Variants in CGGBP1 observed in about 807,000 individuals in gnomAD.
CGGBP1 encodes the protein CGG triplet repeat-binding protein 1.
A neutral mutation model predicts 11.4 loss-of-function variants in CGGBP1; 4 were observed. That is an observed-to-expected ratio of 0.35 (90% CI 0.17 to 0.80). CGGBP1 has a LOEUF of 0.80. CGGBP1 is among the 30% of genes least tolerant of loss of function. CGGBP1 has a pLI of 0.52. For synonymous variants in CGGBP1, 76 were observed against 74.1 expected, an observed-to-expected ratio of 1.03 and a Z score of -0.13; for missense variants, 135 against 202.1, an observed-to-expected ratio of 0.67 and a Z score of 2.01.
intron 2 of CGGBP1, among the ~76,000 whole-genome samples, chr3:88,129,321 TAAAAAAAAA>T (rs11370327): frequency 6.5e-5 from 5 of 76,932 alleles, no homozygotes; most frequent in East Asian, 3.9e-4. Flanking sequence ...TTGCCAGGAG[TAAAAAAAAA>T]AAAAAAAAAA....
At chr3:88,140,298 T>C (rs1559737985) in intron 2 of CGGBP1, 1 of 1,613,776 alleles carries the variant, frequency 6.2e-7, no homozygotes, top group Non-Finnish European at 8.5e-7. Context: ...ACCAGAGTCA[T>C]CTGCACAACC....
chr3:88,110,250 A>G (rs1705007053), intron 2 of CGGBP1, among the ~76,000 whole-genome samples: 2 of 152,248 alleles, frequency 1.3e-5, no homozygotes, highest in South Asian at 2.1e-4. Context: ...TAAGTAGTGG[A>G]GCTGAGATTC....
intron 2 of CGGBP1, chr3:88,129,650 T>G: frequency 7.4e-7 from 1 of 1,354,066 alleles, no homozygotes; most frequent in South Asian, 1.8e-5. Flanking sequence ...TTAGATATTT[T>G]TAATTATATG....
At chr3:88,070,152 A>G (rs1218223976) in intron 2 of CGGBP1, among the ~76,000 whole-genome samples, 4 of 152,172 alleles carry the variant, frequency 2.6e-5, no homozygotes, top group Non-Finnish European at 4.4e-5. Context: ...TAGAAACCTT[A>G]AAATAATTTG....
intron 2 of CGGBP1, among the ~76,000 whole-genome samples, chr3:88,092,396 T>C (rs963349439): frequency 5.3e-4 from 80 of 152,238 alleles, no homozygotes; most frequent in African/African-American, 1.9e-3. Context: ...TTTTATATAA[T>C]TGTAGTTAGG....
Position 88,118,426 on chromosome 3 carries a change from G to GC in CGGBP1, c.-229+22543dup, listed in dbSNP as rs199747411. On this transcript the variant is annotated intron_variant, in intron 2 of 3. Coordinates refer to the CGGBP1 transcript ENST00000462901. The stretch of plus-strand genomic sequence containing the variant: ...CCAGCCACATGAAAGGAGTTGAAAA[G>GC]CCCACCCTCCTTTGTGGGGCAAGTG... 1.7e-3 allele frequency among the ~76,000 whole-genome samples: 254 copies of GC among 152,252 alleles called. 4 individuals are homozygous for GC. The East Asian group carries it at 0.042, about 25-fold the overall frequency.
chr3:88,058,094 A>G lies in CGGBP1; in HGVS notation c.-201T>C, dbSNP rs1195766106. 6.6e-6 allele frequency: 1 copy of G among 152,356 alleles called. No individual in the cohort carries two copies. Among genetic ancestry groups the G allele is most frequent in the East Asian group, 1.9e-4 (1 of 5,192 alleles). 9.4% of individuals were successfully genotyped at this position (152,356 alleles called of 1,614,324 possible). A position where few individuals can be genotyped will look rare whatever the true frequency, so the allele number is the denominator to read the frequency against. On this transcript the variant is annotated 5_prime_UTR_variant, in exon 2 of 4. Transcript: ENST00000482016. ...CCAGAGCGAAACCAGAGACGCATCA[A>G]ATCCTGGCACTTTCCGTTTGTTCAA...
intron 2 of CGGBP1, among the ~76,000 whole-genome samples, chr3:88,121,423 A>G (rs1705762349): frequency 6.6e-6 from 1 of 152,128 alleles, no homozygotes. Flanking sequence ...CCAAATGTTC[A>G]TTTTAAATCA....
chr3:88,064,987 T>C (rs778278910), intron 2 of CGGBP1, among the ~76,000 whole-genome samples: 36 of 152,250 alleles, frequency 2.4e-4, no homozygotes, highest in Non-Finnish European at 5.1e-4. Flanking sequence ...CTAGAAATAA[T>C]TTAATTGCAC....
At chr3:88,110,731 T>A (rs1457954617) in intron 2 of CGGBP1, among the ~76,000 whole-genome samples, 2 of 152,116 alleles carry the variant, frequency 1.3e-5, no homozygotes, top group African/African-American at 4.8e-5. Flanking sequence ...AGTTGACTAT[T>A]TATACAGTCA....
At position 88,053,673 on chromosome 3, in the gene CGGBP1, G is replaced by A. The variant is rs1706479511; in HGVS notation, c.*1800C>T. ...TGTATCTTTTCGTATTCTGAAAATA[G>A]TGCTATAAAACTCAATTATTCCTAG... is the stretch of plus-strand genomic sequence containing the variant. On this transcript the variant is annotated 3_prime_UTR_variant, in exon 4 of 4. Transcript: ENST00000482016. 1 of 152,494 alleles carries A rather than the reference G, an allele frequency of 6.6e-6. No individual in the cohort carries two copies. The highest frequency in any genetic ancestry group is 6.5e-5 in the Admixed American group (1 of 15,268). 9.4% of individuals were successfully genotyped at this position (152,494 alleles called of 1,614,324 possible).
At chr3:88,116,337 A>G (rs879283868) in intron 2 of CGGBP1, among the ~76,000 whole-genome samples, 2 of 152,068 alleles carry the variant, frequency 1.3e-5, no homozygotes, top group Admixed American at 6.6e-5. Flanking sequence ...CCTGACCAAC[A>G]TGGAGAAAAC....
chr3:88,118,974 T>A (rs1705585392), intron 2 of CGGBP1, among the ~76,000 whole-genome samples: 1 of 149,182 alleles, frequency 6.7e-6, no homozygotes, highest in African/African-American at 2.5e-5. Flanking sequence ...GAAGTCAGTG[T>A]GGCGATTCCT....
intron 2 of CGGBP1, chr3:88,095,730 C>G (rs1296345646): frequency 5.1e-6 from 2 of 390,726 alleles, no homozygotes; most frequent in Non-Finnish European, 9.7e-6. Flanking sequence ...TGACTTCTCC[C>G]CAGGCTTGTT....
intron 2 of CGGBP1, among the ~76,000 whole-genome samples, chr3:88,097,362 G>GTTTTTT (rs762086335): frequency 7.0e-6 from 1 of 143,818 alleles, no homozygotes; most frequent in East Asian, 2.0e-4. Context: ...TTTGTCAACA[G>GTTTTTT]TTTTTTTTTT....
chr3:88,113,361 C>G (rs1168980480), intron 2 of CGGBP1, among the ~76,000 whole-genome samples: 14 of 152,018 alleles, frequency 9.2e-5, no homozygotes, highest in Non-Finnish European at 1.5e-5. Context: ...AAAATTCATA[C>G]AATTAATTTT....
chr3:88,084,902 G>A (rs1279795040), intron 2 of CGGBP1, among the ~76,000 whole-genome samples: 6 of 152,122 alleles, frequency 3.9e-5, no homozygotes, highest in African/African-American at 7.2e-5. Flanking sequence ...TTTAAGGAAC[G>A]CTAATCTTTT....
chr3:88,125,039 C>G (rs554286748), intron 2 of CGGBP1, among the ~76,000 whole-genome samples: 1 of 152,038 alleles, frequency 6.6e-6, no homozygotes, highest in East Asian at 1.9e-4. Flanking sequence ...CACGGTGAAA[C>G]TCTGTCTCTA....
chr3:88,108,854 G>A (rs1427649217), intron 2 of CGGBP1, among the ~76,000 whole-genome samples: 2 of 152,026 alleles, frequency 1.3e-5, no homozygotes, highest in Non-Finnish European at 2.9e-5. Context: ...GTATGCTGAG[G>A]TTGCTAAAAT....
Sources: gnomAD v4.1 joint callset for allele counts (sites outside exome capture counted in the v4.1 genomes callset) on GRCh38, gnomAD v4.1.1 for gene constraint, MANE v1.5 for transcripts, NCBI Gene and HGNC (gene_info 2026-07-23, HGNC 2026-07-21) for gene names.